The following RCOR1 variants were observed in gnomAD, a reference collection of about 807,000 sequenced individuals.
The protein encoded by RCOR1 is REST corepressor 1, also known as REST corepressor.
A neutral mutation model predicts 64.0 loss-of-function variants in RCOR1; 12 were observed. The observed-to-expected ratio is 0.19, with a 90% CI of 0.12 to 0.30. The LOEUF (loss-of-function observed/expected upper bound fraction) is 0.30, where lower values mean the gene tolerates loss of function less well. RCOR1 is among the 10% of genes least tolerant of loss of function. RCOR1 has a pLI of 1.00. For synonymous variants in RCOR1, 279 were observed against 227.2 expected (o/e 1.23, Z -2.05); for missense variants, 502 against 621.2 (o/e 0.81, Z 2.04).
intron 8 of RCOR1, among the ~76,000 whole-genome samples, chr14:102,717,754 A>G (rs757070868): frequency 6.6e-6 from 1 of 152,132 alleles, no homozygotes; most frequent in Admixed American, 6.6e-5. Context: ...TATTGACTCC[A>G]TAGGGTGAGA....
intron 3 of RCOR1, among the ~76,000 whole-genome samples, chr14:102,689,297 T>G (rs545453827): frequency 1.3e-5 from 2 of 152,192 alleles, no homozygotes; most frequent in South Asian, 4.1e-4. Flanking sequence ...TGAGGATTTT[T>G]TTTTTGTTGC....
chr14:102,627,656 T>TAA (rs533375860), intron 2 of RCOR1, among the ~76,000 whole-genome samples: 14 of 140,204 alleles, frequency 1.0e-4, no homozygotes, highest in East Asian at 2.1e-4. Flanking sequence ...GACTCTGTCT[T>TAA]AAAAAAAAAA....
intron 2 of RCOR1, among the ~76,000 whole-genome samples, chr14:102,656,862 G>A (rs568320028): frequency 1.7e-4 from 25 of 151,144 alleles, no homozygotes; most frequent in Non-Finnish European, 2.8e-4. Context: ...TGCAACCTCC[G>A]CCTTCCAGGT....
Position 102,687,178 on chromosome 14 carries a change from C to T in RCOR1, c.445+5200C>T, listed in dbSNP as rs142188718. ...GAGTGAAAGGTTCAGGAATCTCATA[C>T]TGTAATGGAGAGACAGAAAAAATGA... On this transcript the variant is annotated intron_variant, in intron 3 of 11. Transcript: ENST00000262241. Among the ~76,000 whole-genome samples the T allele has an allele frequency of 3.5e-3, 540 of 152,282 alleles. 3 individuals are homozygous for T. Among genetic ancestry groups the T allele is most frequent in the Admixed American group, 8.3e-3 (127 of 15,280 alleles).
At chr14:102,680,929 CT>C (rs1381015919) in intron 2 of RCOR1, among the ~76,000 whole-genome samples, 1 of 152,190 alleles carries the variant, frequency 6.6e-6, no homozygotes, top group Non-Finnish European at 1.5e-5. Flanking sequence ...ACTTTTCACA[CT>C]TTGGGTCCTT....
chr14:102,655,566 GA>G (rs1894705605), intron 2 of RCOR1: 1 of 847,826 alleles, frequency 1.2e-6, no homozygotes, highest in South Asian at 5.4e-5. Context: ...TCATATTTGT[GA>G]AAGTGTCTGG....
At chr14:102,664,153 T>G (rs867404345) in intron 2 of RCOR1, among the ~76,000 whole-genome samples, 57 of 152,328 alleles carry the variant, frequency 3.7e-4, no homozygotes, top group Middle Eastern at 3.4e-3. Context: ...CGTCACCCGC[T>G]GGAGTGCAGT....
At chr14:102,676,810 A>C (rs1487013686) in intron 2 of RCOR1, among the ~76,000 whole-genome samples, 3 of 70,790 alleles carry the variant, frequency 4.2e-5, no homozygotes, top group East Asian at 1.2e-3. Flanking sequence ...GCGGCCGGGC[A>C]GAGGCGCCCC....
Position 102,726,491 on chromosome 14 carries a change from T to G in RCOR1, c.1443T>G (p.Tyr481Ter). The change falls in exon 12 of 12, where the codon TAT becomes TAG. Residue 481 changes from tyrosine to a stop codon, truncating the protein, a stop_gained. Coordinates refer to ENST00000262241, the MANE Select transcript of RCOR1 (RefSeq NM_015156.4). LOFTEE classifies it high-confidence loss of function. ...AGGCTCCTGTTCTGGATGTCAGATATGCATCTGCCTCCTGAGAAACTGGTG... is the reference window on the plus strand; with the variant it reads ...AGGCTCCTGTTCTGGATGTCAGATAGGCATCTGCCTCCTGAGAAACTGGTG... ...EDEAPVLDVR[Y>*]ASAS 1 of 1,602,804 alleles carries G rather than the reference T, an allele frequency of 6.2e-7. No individual in the cohort carries two copies. The highest frequency in any genetic ancestry group is 8.5e-7 in the Non-Finnish European group (1 of 1,178,208).
rs550744337 is a variant in RCOR1, at chr14:102,729,736, A to G, written c.*3230A>G. On this transcript the variant is annotated 3_prime_UTR_variant, in exon 12 of 12. Coordinates refer to ENST00000262241, the MANE Select transcript of RCOR1 (RefSeq NM_015156.4). ...CGATACCCTATTTTTGTCATTCTAA[A>G]TATCAGATGTACTATTGGTATAATT... 2.5e-6 allele frequency: 1 copy of G among 398,282 alleles called. No individual in the cohort carries two copies. The highest frequency in any genetic ancestry group is 1.4e-4 in the South Asian group (1 of 7,258). The allele number at this position is 398,282 out of a possible 1,614,324, so 24.7% of individuals were successfully genotyped here.
rs559621747 is a variant in RCOR1 at position 102,715,865 on chromosome 14, G to A, written c.1053+1248G>A. 2.0e-5 allele frequency among the ~76,000 whole-genome samples: 3 copies of A among 152,302 alleles called. No homozygotes were observed. The South Asian group carries it at 6.2e-4, about 32-fold the overall frequency. ...GTTTGCACATCAGCGTTTCCCAGCT[G>A]TAGCACTATCCTCATGATGGGCCGT... On this transcript the variant is annotated intron_variant, in intron 8 of 11. Transcript: ENST00000262241.
At position 102,655,411 on chromosome 14, in the gene RCOR1, C is replaced by A. The variant is rs147711006; in HGVS notation, c.362-26484C>A. The A allele has an allele frequency of 1.1e-3, 1,077 of 985,190 alleles. 2 individuals are homozygous for A. The highest frequency in any genetic ancestry group is 2.2e-3 in the Admixed American group (36 of 16,282). 61.0% of individuals were successfully genotyped at this position (985,190 alleles called of 1,614,324 possible). A position where few individuals can be genotyped will look rare whatever the true frequency, so the allele number is the denominator to read the frequency against. On this transcript the variant is annotated intron_variant, in intron 2 of 11. Transcript: ENST00000262241. The stretch of plus-strand genomic sequence containing the variant: ...GTGAAGCTCATTGACATTCCTTCCT[C>A]TCAATACCTTAACTATGGCATGTTT...
intron 2 of RCOR1, among the ~76,000 whole-genome samples, chr14:102,595,869 G>A (rs533609622): frequency 1.8e-4 from 27 of 151,774 alleles, no homozygotes; most frequent in African/African-American, 6.3e-4. Context: ...ATGTGCCACC[G>A]CGCCCGGCCC....
At chr14:102,707,737 T>TCCC (rs1895883561) in intron 5 of RCOR1, among the ~76,000 whole-genome samples, 1 of 118,348 alleles carries the variant, frequency 8.4e-6, no homozygotes, top group Non-Finnish European at 1.8e-5. Flanking sequence ...GACTGGACCC[T>TCCC]CCCCACCCAC....
At chr14:102,606,703 C>T (rs1332445446) in intron 2 of RCOR1, among the ~76,000 whole-genome samples, 2 of 147,470 alleles carry the variant, frequency 1.4e-5, no homozygotes, top group Admixed American at 1.4e-4. Context: ...GGGAACATGG[C>T]CCACTGCATG....
rs200304520 is a variant in RCOR1 at position 102,708,470 on chromosome 14, A to C, written c.666A>C (p.Pro222=). 1 of 1,491,812 alleles carries C rather than the reference A, an allele frequency of 6.7e-7. No homozygotes were observed. The highest frequency in any genetic ancestry group is 9.3e-7 in the Non-Finnish European group (1 of 1,070,194). 92.4% of individuals were successfully genotyped at this position (1,491,812 alleles called of 1,614,324 possible). ...KTFHRIQQML[P]DKSIASLVKF... ...AACTCATTTTTTATGTTTAGCTTCC[A>C]GATAAATCTATAGCAAGTCTGGTGA... is the stretch of plus-strand genomic sequence containing the variant. Residue 222 remains proline (P), a synonymous_variant, in exon 6 of 12, where the codon CCA becomes CCC. Coordinates refer to ENST00000262241, the MANE Select transcript of RCOR1 (RefSeq NM_015156.4).
At chr14:102,670,111 C>T (rs1020807595) in intron 2 of RCOR1, among the ~76,000 whole-genome samples, 49 of 151,980 alleles carry the variant, frequency 3.2e-4, no homozygotes, top group African/African-American at 1.0e-3. Context: ...CCACCATGCC[C>T]GACTAATTTT....
intron 2 of RCOR1, among the ~76,000 whole-genome samples, chr14:102,676,321 C>A (rs1228607853): frequency 1.4e-5 from 2 of 143,396 alleles, no homozygotes; most frequent in South Asian, 2.2e-4. Context: ...CCGGATGGGG[C>A]GGCTGGCCGG....
intron 2 of RCOR1, chr14:102,655,424 C>G: frequency 1.0e-6 from 1 of 984,940 alleles, no homozygotes; most frequent in South Asian, 4.7e-5. Flanking sequence ...AATACCTTAA[C>G]TATGGCATGT....
Sources: gnomAD v4.1 joint callset for allele counts (sites outside exome capture counted in the v4.1 genomes callset) on GRCh38, gnomAD v4.1.1 for gene constraint, MANE v1.5 for transcripts, NCBI Gene and HGNC (gene_info 2026-07-23, HGNC 2026-07-21) for gene names.